The following MED13L variants were observed in gnomAD, a reference collection of about 807,000 sequenced individuals.
The protein encoded by MED13L is mediator of RNA polymerase II transcription subunit 13-like.
Under a neutral mutation model 220.9 loss-of-function variants are expected in MED13L, and 7 were observed. The observed-to-expected ratio is 0.03, with a 90% CI of 0.02 to 0.06. The LOEUF is 0.06. Among genes scored for constraint, MED13L ranks in the 10% least tolerant of loss-of-function variants. The pLI, the probability that MED13L is intolerant of heterozygous loss-of-function variation, is 1.00. For synonymous variants in MED13L, 1,011 were observed against 1,015.2 expected (o/e 1.00, Z 0.08); for missense variants, 1,965 against 2,760.5 (o/e 0.71, Z 6.46).
In MED13L at chr12:116,020,094, C is replaced by G; in HGVS notation, c.626-122G>C. ...CTTAATGTGCATTGTTCTTTATTTCCTAACTCTATTTAAAGTATGATTTAA... is the reference window on the plus strand; with the variant it reads ...CTTAATGTGCATTGTTCTTTATTTCGTAACTCTATTTAAAGTATGATTTAA... On this transcript the variant is annotated intron_variant, in intron 5 of 30. Coordinates refer to ENST00000281928, the MANE Select transcript of MED13L (RefSeq NM_015335.5). 5.6e-6 allele frequency: 5 copies of G among 898,668 alleles called. No homozygotes were observed. The South Asian group carries it at 8.0e-5, about 14-fold the overall frequency. 55.7% of individuals were successfully genotyped at this position (898,668 alleles called of 1,614,324 possible). A position where few individuals can be genotyped will look rare whatever the true frequency, so the allele number is the denominator to read the frequency against.
At chr12:116,101,976 T>C (rs1199376346) in intron 3 of MED13L, among the ~76,000 whole-genome samples, 1 of 152,194 alleles carries the variant, frequency 6.6e-6, no homozygotes, top group East Asian at 1.9e-4. Context: ...GATATAATGC[T>C]GGAAAGTAGT....
chr12:116,276,531 A>G, intron 1 of MED13L: 3 of 1,281,106 alleles, frequency 2.3e-6, no homozygotes, highest in Non-Finnish European at 3.0e-6. Context: ...TTCGGGTGCA[A>G]GAGTCCTTTC....
At chr12:116,049,955 T>G (rs186747907) in intron 4 of MED13L, among the ~76,000 whole-genome samples, 2 of 152,334 alleles carry the variant, frequency 1.3e-5, no homozygotes, top group Admixed American at 6.5e-5. Context: ...AAAACACGTA[T>G]GTACTACGTT....
At chr12:116,014,044 G>A (rs554818460) in intron 8 of MED13L, among the ~76,000 whole-genome samples, 1 of 152,190 alleles carries the variant, frequency 6.6e-6, no homozygotes, top group Non-Finnish European at 1.5e-5. Flanking sequence ...TAAAGGAAAG[G>A]ACCATTTTAA....
chr12:116,261,900 G>T (rs549644073), intron 1 of MED13L, among the ~76,000 whole-genome samples: 1 of 152,200 alleles, frequency 6.6e-6, no homozygotes, highest in South Asian at 2.1e-4. Context: ...CACCTAGACT[G>T]TTCTAAGAGC....
At chr12:116,134,103 GT>G (rs1326665528) in intron 2 of MED13L, among the ~76,000 whole-genome samples, 2 of 152,010 alleles carry the variant, frequency 1.3e-5, no homozygotes, top group Non-Finnish European at 2.9e-5. Context: ...AAAATAAACT[GT>G]TTTTTGCTAC....
chr12:116,148,529 T>A (rs1250346049), intron 2 of MED13L: 1 of 325,606 alleles, frequency 3.1e-6, no homozygotes, highest in South Asian at 2.7e-5. Context: ...ACTGAAAAAG[T>A]GATGTCAAGT....
intron 7 of MED13L, among the ~76,000 whole-genome samples, chr12:116,018,350 T>C (rs760013682): frequency 1.3e-5 from 2 of 152,226 alleles, no homozygotes; most frequent in Non-Finnish European, 2.9e-5. Flanking sequence ...AGAATTGTGC[T>C]AGAAACTTTC....
chr12:116,124,178 CAGAG>C (rs1875377021), intron 2 of MED13L, among the ~76,000 whole-genome samples: 1 of 138,702 alleles, frequency 7.2e-6, no homozygotes, highest in South Asian at 2.4e-4. Flanking sequence ...CAGAGAGAGA[CAGAG>C]AGAGACAGAG....
At chr12:115,969,206 T>C in intron 27 of MED13L, 109 bp from the exon 28 acceptor site, 1 of 1,188,480 alleles carries the variant, frequency 8.4e-7, no homozygotes, top group Non-Finnish European at 1.2e-6. Flanking sequence ...ATATGGCTAT[T>C]ATGGACACAC....
rs893317441 is a variant in MED13L, at chr12:116,007,398, T to A, written c.2238+13A>T. 5.0e-6 allele frequency: 8 copies of A among 1,601,200 alleles called. No homozygotes were observed. The highest frequency in any genetic ancestry group is 6.0e-6 in the Non-Finnish European group (7 of 1,168,318). On this transcript the variant is annotated intron_variant, in intron 11 of 30. Coordinates refer to ENST00000281928, the MANE Select transcript of MED13L (RefSeq NM_015335.5). ...CCCACACCATGCTGGACTCTCTCTC[T>A]GTTAAATGGTACCTTATTCTTTTTC...
chr12:116,145,825 C>G (rs1250207141), intron 2 of MED13L, among the ~76,000 whole-genome samples: 1 of 152,024 alleles, frequency 6.6e-6, no homozygotes, highest in African/African-American at 2.4e-5. Flanking sequence ...GCCACTGTGC[C>G]TGGCCTCAAG....
At chr12:116,007,150 GA>G in intron 11 of MED13L, 1 of 494,514 alleles carries the variant, frequency 2.0e-6, no homozygotes, top group South Asian at 2.3e-5. Context: ...GCATATGAGA[GA>G]AAACATGCAC....
chr12:115,986,143 C>T (rs1289748040), intron 19 of MED13L, 123 bp downstream of exon 19: 5 of 990,826 alleles, frequency 5.0e-6, no homozygotes, highest in African/African-American at 1.6e-5. Flanking sequence ...TCTTCTTCAT[C>T]CACCTGTTTG....
chr12:116,199,091 C>T (rs1881838832), intron 2 of MED13L, among the ~76,000 whole-genome samples: 1 of 152,146 alleles, frequency 6.6e-6, no homozygotes, highest in African/African-American at 2.4e-5. Flanking sequence ...TTACCATGTT[C>T]TTATTTGCTT....
chr12:116,102,181 C>T (rs1057474686), intron 3 of MED13L, among the ~76,000 whole-genome samples: 1 of 152,164 alleles, frequency 6.6e-6, no homozygotes, highest in African/African-American at 2.4e-5. Flanking sequence ...CTGTGTCATG[C>T]CATATGGCTC....
At chr12:116,075,486 A>G (rs975820681) in intron 4 of MED13L, among the ~76,000 whole-genome samples, 3 of 152,230 alleles carry the variant, frequency 2.0e-5, no homozygotes, top group African/African-American at 4.8e-5. Flanking sequence ...TGTAAAACCA[A>G]AGAAAATAAC....
intron 11 of MED13L, 25 bp from the exon 12 acceptor site, chr12:116,006,436 A>G: frequency 3.2e-6 from 5 of 1,581,934 alleles, no homozygotes; most frequent in South Asian, 2.2e-5. Context: ...CAGCCAAACA[A>G]AACACATGAA....
intron 2 of MED13L, among the ~76,000 whole-genome samples, chr12:116,129,733 A>AC: frequency 6.6e-6 from 1 of 152,272 alleles, no homozygotes. Flanking sequence ...ACATAGTGAA[A>AC]CCCCATCTCT....
Sources: gnomAD v4.1 joint callset for allele counts (sites outside exome capture counted in the v4.1 genomes callset) on GRCh38, gnomAD v4.1.1 for gene constraint, MANE v1.5 for transcripts, NCBI Gene and HGNC (gene_info 2026-07-23, HGNC 2026-07-21) for gene names.